The following PRRC2C variants were observed in gnomAD, a reference collection of about 807,000 sequenced individuals.
The protein encoded by PRRC2C is proline rich coiled-coil 2C.
In PRRC2C, 72 loss-of-function variants were observed where a neutral mutation model predicts 317.2. The ratio of observed to expected loss-of-function variants is 0.23; its 90% CI spans 0.19 to 0.28. The LOEUF is 0.28. Ranked by LOEUF, PRRC2C falls within the 10% of genes least tolerant of loss-of-function variation. PRRC2C has a pLI of 1.00. For synonymous variants in PRRC2C, 1,296 were observed against 1,205.9 expected, an observed-to-expected ratio of 1.07 and a Z score of -1.55; for missense variants, 3,074 against 3,459.7, an observed-to-expected ratio of 0.89 and a Z score of 2.80.
At chr1:171,548,751 A>G (rs1679634464) in intron 17 of PRRC2C, among the ~76,000 whole-genome samples, 1 of 152,222 alleles carries the variant, frequency 6.6e-6, no homozygotes, top group African/African-American at 2.4e-5. Context: ...ATAAGTTAAA[A>G]AATGATCTTG....
In PRRC2C at chr1:171,592,871, AT is replaced by A. The variant is rs1041590498; in HGVS notation, c.*1025del. 3.3e-5 allele frequency: 5 copies of A among 152,176 alleles called. No individual in the cohort carries two copies. Among genetic ancestry groups the A allele is most frequent in the Non-Finnish European group, 5.9e-5 (4 of 68,040 alleles). 9.4% of individuals were successfully genotyped at this position (152,176 alleles called of 1,614,324 possible). A position where few individuals can be genotyped will look rare whatever the true frequency, so the allele number is the denominator to read the frequency against. On this transcript the variant is annotated 3_prime_UTR_variant, in exon 35 of 35. Transcript: ENST00000647382. ...CTGGAAAAGTAGAATCAAGTCTCAA[AT>A]AATGCCTTTTTAATTGTATCCTCTA...
rs1557949794 is a variant in PRRC2C at position 171,539,995 on chromosome 1, A to G, written c.2529A>G (p.Glu843=). ...DVRSEAALDQ[E]QITAAYSVEH... ...GGTCTGAAGCTGCGTTGGACCAGGA[A>G]CAGATTACTGCTGCTTATTCTGTAG... The change falls in exon 16 of 35, where the codon GAA becomes GAG. Residue 843 remains glutamate (E), a synonymous_variant. Transcript: ENST00000647382. 6.2e-7 allele frequency: 1 copy of G among 1,612,276 alleles called. No individual in the cohort carries two copies. Among genetic ancestry groups the G allele is most frequent in the Middle Eastern group, 1.7e-4 (1 of 6,048 alleles).
At chr1:171,497,686 C>T (rs1293196725) in intron 1 of PRRC2C, among the ~76,000 whole-genome samples, 1 of 152,126 alleles carries the variant, frequency 6.6e-6, no homozygotes, top group Non-Finnish European at 1.5e-5. Flanking sequence ...CCAGATTGGT[C>T]TTGAACTCCT....
chr1:171,500,896 CTTGTT>C (rs1024241772), intron 1 of PRRC2C, among the ~76,000 whole-genome samples: 9 of 151,890 alleles, frequency 5.9e-5, no homozygotes, highest in Admixed American at 3.3e-4. Context: ...ATGCACATGT[CTTGTT>C]TTGTTTTGTT....
At chr1:171,521,907 G>A (rs1673654890) in intron 6 of PRRC2C, among the ~76,000 whole-genome samples, 1 of 152,078 alleles carries the variant, frequency 6.6e-6, no homozygotes. Flanking sequence ...CTTGTTGATA[G>A]TTACTTTAAT....
intron 30 of PRRC2C, among the ~76,000 whole-genome samples, chr1:171,586,152 T>A (rs1311837949): frequency 7.6e-6 from 1 of 130,988 alleles, no homozygotes; most frequent in East Asian, 2.6e-4. Context: ...AACCTCCACC[T>A]CCCAGGTTCA....
chr1:171,505,026 ATTT>A (rs56282458), intron 1 of PRRC2C, among the ~76,000 whole-genome samples: 2 of 136,694 alleles, frequency 1.5e-5, no homozygotes, highest in Non-Finnish European at 3.1e-5. Context: ...AAGTATTTCA[ATTT>A]TTTTTTTTTT....
intron 11 of PRRC2C, among the ~76,000 whole-genome samples, chr1:171,528,473 A>G (rs1205559470): frequency 6.6e-6 from 1 of 151,290 alleles, no homozygotes; most frequent in Non-Finnish European, 1.5e-5. Context: ...TGTTTTTTTT[A>G]GTAGAGACGG....
intron 25 of PRRC2C, among the ~76,000 whole-genome samples, chr1:171,576,471 A>G (rs543854335): frequency 9.2e-5 from 14 of 152,334 alleles, no homozygotes; most frequent in Admixed American, 3.9e-4. Flanking sequence ...GACAACTTAT[A>G]CATTACTTTT....
intron 24 of PRRC2C, among the ~76,000 whole-genome samples, chr1:171,574,201 T>C (rs568731428): frequency 1.2e-4 from 19 of 152,238 alleles, no homozygotes; most frequent in African/African-American, 4.1e-4. Flanking sequence ...AGTGTTTTAG[T>C]TATAATATTA....
chr1:171,556,323 T>C (rs1681394844), intron 18 of PRRC2C, among the ~76,000 whole-genome samples: 2 of 152,168 alleles, frequency 1.3e-5, no homozygotes, highest in African/African-American at 4.8e-5. Flanking sequence ...CCAGGTACAG[T>C]CTGTCATGAC....
At chr1:171,572,289 A>G (rs770861101) in intron 24 of PRRC2C, among the ~76,000 whole-genome samples, 3 of 152,146 alleles carry the variant, frequency 2.0e-5, no homozygotes, top group Non-Finnish European at 4.4e-5. Flanking sequence ...ACACCTGGCC[A>G]AGGGAAGATT....
Position 171,541,406 on chromosome 1 carries a change from C to G in PRRC2C, c.3940C>G (p.Arg1314Gly), listed in dbSNP as rs1677921743. The G allele has an allele frequency of 6.2e-7, 1 of 1,613,590 alleles. No homozygotes were observed. Among genetic ancestry groups the G allele is most frequent in the Middle Eastern group, 1.6e-4 (1 of 6,062 alleles). The change falls in exon 16 of 35, where the codon CGA becomes GGA. Residue 1314 changes from arginine to glycine, a missense_variant. Transcript: ENST00000647382. The surrounding 1 kb of genome is among the most constrained non-coding windows in gnomAD (Gnocchi z 4.1). The stretch of plus-strand genomic sequence containing the variant: ...TTCTTTCAAGCCTGATAATCATGTT[C>G]GAATAGATAATAGACTGCTAGAAAA... Reference protein sequence around the residue: ...HSSFKPDNHVRIDNRLLEKPY... With the variant: ...HSSFKPDNHVGIDNRLLEKPY...
intron 30 of PRRC2C, among the ~76,000 whole-genome samples, chr1:171,586,062 G>GTTTTTT (rs78928878): frequency 2.3e-5 from 1 of 43,506 alleles, no homozygotes; most frequent in Non-Finnish European, 4.9e-5. Flanking sequence ...GTCAGGTGTT[G>GTTTTTT]ATTTTTTTTT....
intron 1 of PRRC2C, among the ~76,000 whole-genome samples, chr1:171,500,334 A>T (rs745557631): frequency 6.6e-6 from 1 of 152,216 alleles, no homozygotes; most frequent in African/African-American, 2.4e-5. Context: ...GACCATAGCT[A>T]ATCTCTTTAA....
At position 171,540,644 on chromosome 1, in the gene PRRC2C, C is replaced by T. The variant is rs567117549; in HGVS notation, c.3178C>T (p.Leu1060Phe). ...GCCTGAAAAGACGGAAAAGAAGGAT[C>T]TTCCTCCTCCCCCACCACCACCTCA... ...VKPEKTEKKD[L>F]PPPPPPPQPP... The change falls in exon 16 of 35, where the codon CTT becomes TTT. Residue 1060 changes from leucine to phenylalanine, a missense_variant. Around this residue, in one of 11 missense-constraint regions of PRRC2C, gnomAD observed 1,320 missense variants for 1,395.7 expected, o/e 0.95. Coordinates refer to ENST00000647382, the MANE Select transcript of PRRC2C (RefSeq NM_001387844.1). 50 of 1,613,966 alleles carry T rather than the reference C, an allele frequency of 3.1e-5. No individual in the cohort carries two copies. Among genetic ancestry groups the T allele is most frequent in the South Asian group, 2.5e-4 (23 of 91,086 alleles).
intron 20 of PRRC2C, among the ~76,000 whole-genome samples, chr1:171,565,168 CACTG>C (rs1683412425): frequency 2.0e-5 from 3 of 152,188 alleles, no homozygotes; most frequent in Admixed American, 2.0e-4. Flanking sequence ...GCTTCAGCCT[CACTG>C]ACCTTTTTTT....
chr1:171,548,066 A>G (rs1461089220), intron 17 of PRRC2C, among the ~76,000 whole-genome samples: 1 of 152,200 alleles, frequency 6.6e-6, no homozygotes, highest in African/African-American at 2.4e-5. Context: ...CCCAGGTTCA[A>G]GCGATTCTCC....
At chr1:171,579,756 A>G (rs1294691498) in intron 27 of PRRC2C, 72 bp from the exon 28 acceptor site, 1 of 1,444,882 alleles carries the variant, frequency 6.9e-7, no homozygotes, top group Non-Finnish European at 9.2e-7. Context: ...TCAAATTTTT[A>G]TATTCCAGTG....
Sources: allele counts gnomAD v4.1 joint callset (sites outside exome capture counted in the v4.1 genomes callset), GRCh38; gene constraint gnomAD v4.1.1; regional missense constraint gnomAD v4.1.1; non-coding constraint Gnocchi (gnomAD v3.1); transcripts MANE v1.5; gene names NCBI Gene and HGNC (gene_info 2026-07-23, HGNC 2026-07-21).